The following NFIA variants were observed in gnomAD, a reference collection of about 807,000 sequenced individuals.
NFIA encodes the protein nuclear factor 1 A-type.
Under a neutral mutation model 62.8 loss-of-function variants are expected in NFIA, and 8 were observed. The ratio of observed to expected loss-of-function variants is 0.13; its 90% CI spans 0.07 to 0.23. NFIA has a LOEUF of 0.23. NFIA is among the 10% of genes least tolerant of loss of function. The probability of loss-of-function intolerance (pLI) is 1.00; values close to 1 mark genes in which losing one functional copy is unlikely to be tolerated. For synonymous variants in NFIA, 235 were observed against 238.1 expected, an observed-to-expected ratio of 0.99 and a Z score of 0.12; for missense variants, 410 against 642.1, an observed-to-expected ratio of 0.64 and a Z score of 3.91.
chr1:61,260,635 C>G (rs1656704990), intron 2 of NFIA, among the ~76,000 whole-genome samples: 1 of 152,206 alleles, frequency 6.6e-6, no homozygotes, highest in African/African-American at 2.4e-5. Context: ...GGCTGGAGTG[C>G]AGTGGCCTGA....
rs184658909 is a variant in NFIA at position 61,279,335 on chromosome 1, C to T, written c.625+1750C>T. Among the ~76,000 whole-genome samples, 20 of 151,778 alleles carry T rather than the reference C, an allele frequency of 1.3e-4. No individual in the cohort carries two copies. In the East Asian group the frequency reaches 3.7e-3, roughly 28 times the overall value. On this transcript the variant is annotated intron_variant, in intron 3 of 10. Transcript: ENST00000403491. Reference sequence around the variant, plus strand: ...TTAAATATGGACTGCCTGGCAATTCCTCTCCTCATCCTGGTATTTTGGTGA... The same window carrying T: ...TTAAATATGGACTGCCTGGCAATTCTTCTCCTCATCCTGGTATTTTGGTGA...
At chr1:61,344,927 C>T (rs1662136214) in intron 4 of NFIA, among the ~76,000 whole-genome samples, 1 of 152,216 alleles carries the variant, frequency 6.6e-6, no homozygotes, top group South Asian at 2.1e-4. Context: ...TCAATAACCA[C>T]AACCTTATCC....
At chr1:61,316,429 C>T (rs1015888610) in intron 3 of NFIA, among the ~76,000 whole-genome samples, 15 of 152,126 alleles carry the variant, frequency 9.9e-5, no homozygotes, top group Non-Finnish European at 1.5e-4. Context: ...GTATTTTCCT[C>T]CAGGGACCAT....
intron 3 of NFIA, among the ~76,000 whole-genome samples, chr1:61,328,602 G>A (rs1661094568): frequency 6.6e-6 from 1 of 151,692 alleles, no homozygotes; most frequent in Non-Finnish European, 1.5e-5. Context: ...TGTATTTTTA[G>A]TAGAGACAGG....
rs879136362 is a variant in NFIA at position 61,459,539 on chromosome 1, T to A, written c.*4219T>A. The A allele has an allele frequency of 6.6e-6, 1 of 152,296 alleles. No homozygotes were observed. Among genetic ancestry groups the A allele is most frequent in the Non-Finnish European group, 1.5e-5 (1 of 68,148 alleles). 9.4% of individuals were successfully genotyped at this position (152,296 alleles called of 1,614,324 possible). A position where few individuals can be genotyped will look rare whatever the true frequency, so the allele number is the denominator to read the frequency against. ...GTGGTCAGCCCGCTCCCCAGGCCCGTCCCTGCCGCCGCCAGGTGTGGGCTC... is the reference window on the plus strand; with the variant it reads ...GTGGTCAGCCCGCTCCCCAGGCCCGACCCTGCCGCCGCCAGGTGTGGGCTC... On this transcript the variant is annotated 3_prime_UTR_variant, in exon 11 of 11. Coordinates refer to ENST00000403491, the MANE Select transcript of NFIA (RefSeq NM_001134673.4).
At chr1:61,308,492 T>C (rs1278309176) in intron 3 of NFIA, among the ~76,000 whole-genome samples, 1 of 152,242 alleles carries the variant, frequency 6.6e-6, no homozygotes, top group Non-Finnish European at 1.5e-5. Flanking sequence ...GGTTCATGCT[T>C]TAAAGGCTAT....
rs772420364 is a variant in NFIA at position 61,459,524 on chromosome 1, C to T, written c.*4204C>T. 6.6e-6 allele frequency: 1 copy of T among 152,320 alleles called. No homozygotes were observed. The highest frequency in any genetic ancestry group is 1.5e-5 in the Non-Finnish European group (1 of 68,188). 9.4% of individuals were successfully genotyped at this position (152,320 alleles called of 1,614,324 possible). A position where few individuals can be genotyped will look rare whatever the true frequency, so the allele number is the denominator to read the frequency against. On this transcript the variant is annotated 3_prime_UTR_variant, in exon 11 of 11. Coordinates refer to ENST00000403491, the MANE Select transcript of NFIA (RefSeq NM_001134673.4). Reference sequence around the variant, plus strand: ...GCATGACAGTTACGTGTGGTCAGCCCGCTCCCCAGGCCCGTCCCTGCCGCC... The same window carrying T: ...GCATGACAGTTACGTGTGGTCAGCCTGCTCCCCAGGCCCGTCCCTGCCGCC...
chr1:61,191,970 T>G (rs963363299), intron 2 of NFIA, among the ~76,000 whole-genome samples: 2 of 19,252 alleles, frequency 1.0e-4, no homozygotes, highest in East Asian at 3.6e-3. Flanking sequence ...TGTTTTTTGT[T>G]TTTTTTTGAC....
chr1:61,251,677 T>A (rs1348141412), intron 2 of NFIA, among the ~76,000 whole-genome samples: 1 of 152,188 alleles, frequency 6.6e-6, no homozygotes, highest in East Asian at 1.9e-4. Flanking sequence ...ATTATGACTG[T>A]TATGTGATTG....
At chr1:61,107,817 A>T (rs1045404444) in intron 2 of NFIA, among the ~76,000 whole-genome samples, 1 of 151,554 alleles carries the variant, frequency 6.6e-6, no homozygotes, top group African/African-American at 2.4e-5. Flanking sequence ...TTTGTATTCC[A>T]TCCGGAATTT....
Position 61,147,592 on chromosome 1 carries a change from G to A in NFIA, c.559+58912G>A, listed in dbSNP as rs147403465. 4.6e-5 allele frequency among the ~76,000 whole-genome samples: 7 copies of A among 152,288 alleles called. No individual in the cohort carries two copies. The East Asian group carries it at 9.6e-4, about 21-fold the overall frequency. On this transcript the variant is annotated intron_variant, in intron 2 of 10. Transcript: ENST00000403491. ...AAATTTTAAATTAGAATCTTACTAT[G>A]TGGAAAAATACGGTCATTGTTGGAA... is the stretch of plus-strand genomic sequence containing the variant.
intron 2 of NFIA, among the ~76,000 whole-genome samples, chr1:61,116,394 A>G (rs988636042): frequency 2.6e-5 from 4 of 152,230 alleles, no homozygotes; most frequent in African/African-American, 4.8e-5. Context: ...GATGACCTTA[A>G]TGAAGAAACA....
chr1:61,183,854 T>C (rs1375361794), intron 2 of NFIA, among the ~76,000 whole-genome samples: 1 of 151,910 alleles, frequency 6.6e-6, no homozygotes, highest in African/African-American at 2.4e-5. Flanking sequence ...CCATACTGGA[T>C]GTCATTTGAG....
At chr1:61,367,654 G>C (rs74649918) in intron 6 of NFIA, among the ~76,000 whole-genome samples, 1 of 152,254 alleles carries the variant, frequency 6.6e-6, no homozygotes, top group South Asian at 2.1e-4. Flanking sequence ...TACCAAATGA[G>C]CACTGTAACC....
At chr1:61,243,371 A>G (rs1655457779) in intron 2 of NFIA, among the ~76,000 whole-genome samples, 1 of 152,198 alleles carries the variant, frequency 6.6e-6, no homozygotes, top group African/African-American at 2.4e-5. Context: ...AGTTTAATTA[A>G]AAGTCTTTCT....
At chr1:61,122,413 G>A (rs899789684) in intron 2 of NFIA, among the ~76,000 whole-genome samples, 3 of 152,172 alleles carry the variant, frequency 2.0e-5, no homozygotes, top group East Asian at 1.9e-4. Flanking sequence ...ATGTATCCCA[G>A]AGTTTGCACG....
chr1:61,136,488 G>C (rs1479239660), intron 2 of NFIA, among the ~76,000 whole-genome samples: 1 of 152,178 alleles, frequency 6.6e-6, no homozygotes, highest in Non-Finnish European at 1.5e-5. Flanking sequence ...TAAAAAGCTT[G>C]AGTAGTATAA....
chr1:61,246,878 A>G (rs560906962), intron 2 of NFIA, among the ~76,000 whole-genome samples: 2 of 152,280 alleles, frequency 1.3e-5, no homozygotes, highest in African/African-American at 4.8e-5. Context: ...GATTTTATTA[A>G]GTTGACTAAG....
At chr1:61,280,238 G>A (rs1448170487) in intron 3 of NFIA, among the ~76,000 whole-genome samples, 1 of 152,218 alleles carries the variant, frequency 6.6e-6, no homozygotes, top group Non-Finnish European at 1.5e-5. Context: ...CTACTCTCTG[G>A]TGTTGCGTTG....
Sources: gnomAD v4.1 joint callset for allele counts (sites outside exome capture counted in the v4.1 genomes callset) on GRCh38, gnomAD v4.1.1 for gene constraint, MANE v1.5 for transcripts, NCBI Gene and HGNC (gene_info 2026-07-23, HGNC 2026-07-21) for gene names.